Variants in ACVR1 observed in about 807,000 individuals in gnomAD.
ACVR1 encodes activin A receptor type 1, also known as activin receptor type-1.
Under a neutral mutation model 57.1 loss-of-function variants are expected in ACVR1, and 38 were observed. The ratio of observed to expected loss-of-function variants is 0.67; its 90% CI spans 0.51 to 0.87. The LOEUF is 0.87. Ranked by LOEUF, ACVR1 falls within the 40% of genes least tolerant of loss-of-function variation. The pLI is 0.00. For missense variants in ACVR1, 463 were observed against 638.2 expected, an observed-to-expected ratio of 0.73 and a Z score of 2.96; for synonymous variants, 212 against 228.1, an observed-to-expected ratio of 0.93 and a Z score of 0.63.
chr2:157,796,057 C>G (rs1170931732), intron 3 of ACVR1, among the ~76,000 whole-genome samples: 1 of 151,666 alleles, frequency 6.6e-6, no homozygotes, highest in Non-Finnish European at 1.5e-5. Context: ...GACCCCAGCT[C>G]TACAAAAAAT....
Position 157,824,101 on chromosome 2 carries a change from G to A in ACVR1, c.-182-5542C>T, listed in dbSNP as rs553952058. 1.4e-4 allele frequency among the ~76,000 whole-genome samples: 21 copies of A among 152,286 alleles called. No individual in the cohort carries two copies. The South Asian group carries it at 2.1e-3, about 15-fold the overall frequency. On this transcript the variant is annotated intron_variant, in intron 1 of 10. Transcript: ENST00000434821. Reference sequence around the variant, plus strand: ...GAGCAGCTATAAGAAGAGAAGTGACGATTACCAGGGTTGAATTATTAGGTT... The same window carrying A: ...GAGCAGCTATAAGAAGAGAAGTGACAATTACCAGGGTTGAATTATTAGGTT...
chr2:157,782,590 AAT>A (rs1408961684), intron 3 of ACVR1, among the ~76,000 whole-genome samples: 1 of 152,200 alleles, frequency 6.6e-6, no homozygotes, highest in Non-Finnish European at 1.5e-5. Flanking sequence ...GCTGAAGGAT[AAT>A]ATTTCCAGGG....
intron 1 of ACVR1, among the ~76,000 whole-genome samples, chr2:157,847,053 T>C (rs1467394946): frequency 1.3e-5 from 2 of 152,058 alleles, no homozygotes; most frequent in Non-Finnish European, 2.9e-5. Context: ...AGAAATAAGC[T>C]AAAACAGAAA....
chr2:157,861,188 C>G (rs1689706585), intron 1 of ACVR1, among the ~76,000 whole-genome samples: 1 of 152,220 alleles, frequency 6.6e-6, no homozygotes, highest in African/African-American at 2.4e-5. Context: ...TGGCACTTCA[C>G]TTTACTGTAC....
At chr2:157,785,400 A>C (rs1686677894) in intron 3 of ACVR1, among the ~76,000 whole-genome samples, 1 of 152,236 alleles carries the variant, frequency 6.6e-6, no homozygotes, top group Non-Finnish European at 1.5e-5. Flanking sequence ...CCGGGAGCAC[A>C]GTTTGGCACC....
chr2:157,811,571 T>G (rs1204590601), intron 2 of ACVR1, among the ~76,000 whole-genome samples: 1 of 152,202 alleles, frequency 6.6e-6, no homozygotes, highest in Non-Finnish European at 1.5e-5. Flanking sequence ...AGCAGCCTTA[T>G]TTCCTCCATT....
chr2:157,859,339 G>C (rs538545888), intron 1 of ACVR1, among the ~76,000 whole-genome samples: 2 of 152,216 alleles, frequency 1.3e-5, no homozygotes, highest in South Asian at 4.1e-4. Flanking sequence ...TATCCTATAT[G>C]GTCTAAAAAG....
chr2:157,774,326 C>T (rs1686189989), intron 5 of ACVR1, 139 bp from the exon 6 acceptor site: 3 of 718,620 alleles, frequency 4.2e-6, no homozygotes, highest in Non-Finnish European at 7.6e-6. Flanking sequence ...ATGTAAAGCT[C>T]CTCTGGAAGA....
At chr2:157,749,534 G>A (rs1400741106) in intron 9 of ACVR1, among the ~76,000 whole-genome samples, 1 of 152,142 alleles carries the variant, frequency 6.6e-6, no homozygotes, top group Non-Finnish European at 1.5e-5. Context: ...CTAGAAAATA[G>A]CAGAATTCAC....
At chr2:157,776,811 C>T (rs1686306224) in intron 5 of ACVR1, among the ~76,000 whole-genome samples, 1 of 152,250 alleles carries the variant, frequency 6.6e-6, no homozygotes. Context: ...AACTGCAGAA[C>T]TATCAGACAC....
intron 3 of ACVR1, among the ~76,000 whole-genome samples, chr2:157,781,474 T>A (rs1296290998): frequency 6.6e-6 from 1 of 152,208 alleles, no homozygotes; most frequent in African/African-American, 2.4e-5. Flanking sequence ...ACACTAAAGT[T>A]TACATAGATT....
chr2:157,782,696 T>C (rs1287389728), intron 3 of ACVR1, among the ~76,000 whole-genome samples: 3 of 152,094 alleles, frequency 2.0e-5, no homozygotes, highest in Non-Finnish European at 4.4e-5. Flanking sequence ...TGGAGGGAAG[T>C]GGATGGGTGG....
At chr2:157,794,594 C>T (rs1409426686) in intron 3 of ACVR1, among the ~76,000 whole-genome samples, 1 of 152,132 alleles carries the variant, frequency 6.6e-6, no homozygotes, top group Non-Finnish European at 1.5e-5. Flanking sequence ...TATATGATGC[C>T]TTTTGTTGGC....
intron 1 of ACVR1, among the ~76,000 whole-genome samples, chr2:157,847,682 C>T (rs76949952): frequency 0.02 from 2,994 of 152,038 alleles, 111 homozygotes; most frequent in African/African-American, 0.068. Flanking sequence ...TTATAATCTA[C>T]CAAGAAAGAA....
At chr2:157,811,000 C>T (rs760260435) in intron 2 of ACVR1, among the ~76,000 whole-genome samples, 7 of 152,060 alleles carry the variant, frequency 4.6e-5, no homozygotes, top group Non-Finnish European at 7.4e-5. Context: ...TGATCTGTGA[C>T]GAGGCCTAGG....
At chr2:157,863,090 C>T (rs1301784581) in intron 1 of ACVR1, among the ~76,000 whole-genome samples, 1 of 127,606 alleles carries the variant, frequency 7.8e-6, no homozygotes, top group African/African-American at 3.0e-5. Flanking sequence ...GGTGCGATCT[C>T]GGCTCACTGC....
chr2:157,847,396 TCTTTTAATTTTATGGCTAA>T (rs1045116879), intron 1 of ACVR1, among the ~76,000 whole-genome samples: 3 of 152,204 alleles, frequency 2.0e-5, no homozygotes, highest in Non-Finnish European at 4.4e-5. Context: ...AAAGCTACTC[TCTTTTAATTTTATGGCTAA>T]GGGAGAAAAA....
rs537998042 is a variant in ACVR1 at position 157,784,905 on chromosome 2, T to C, written c.68-4305A>G. ...TTTAAAAACTGTCCACAATTTGGTA[T>C]AATCTTGTACTTCATGGTAAAAGTA... On this transcript the variant is annotated intron_variant, in intron 3 of 10. Transcript: ENST00000434821. Among the ~76,000 whole-genome samples, 8 of 152,380 alleles carry C rather than the reference T, an allele frequency of 5.3e-5. No homozygotes were observed. In the South Asian group the frequency reaches 1.0e-3, roughly 20 times the overall value.
intron 1 of ACVR1, among the ~76,000 whole-genome samples, chr2:157,846,094 G>A (rs186283509): frequency 1.3e-5 from 2 of 151,436 alleles, no homozygotes; most frequent in South Asian, 2.1e-4. Context: ...GAGATGAGGC[G>A]ATTATCCTGG....
Sources: gnomAD v4.1 joint callset for allele counts (sites outside exome capture counted in the v4.1 genomes callset) on GRCh38, gnomAD v4.1.1 for gene constraint, MANE v1.5 for transcripts, NCBI Gene and HGNC (gene_info 2026-07-23, HGNC 2026-07-21) for gene names.